The following GPR158 variants were observed in gnomAD, a reference collection of about 807,000 sequenced individuals.
The protein encoded by GPR158 is metabotropic glycine receptor.
In GPR158, 30 loss-of-function variants were observed where a neutral mutation model predicts 78.2. That is an observed-to-expected ratio of 0.38 (90% CI 0.29 to 0.52). The LOEUF (loss-of-function observed/expected upper bound fraction) is 0.52. GPR158 is among the 20% of genes least tolerant of loss of function. The pLI is 0.83. For synonymous variants in GPR158, 581 were observed against 591.1 expected (o/e 0.98, Z 0.25); for missense variants, 1,463 against 1,523.5 (o/e 0.96, Z 0.66).
chr10:25,184,326 G>T (rs1372904837), intron 1 of GPR158, among the ~76,000 whole-genome samples: 1 of 152,142 alleles, frequency 6.6e-6, no homozygotes, highest in African/African-American at 2.4e-5. Context: ...AAGTAGCTGG[G>T]AGTACAGGCA....
At chr10:25,581,089 TA>T (rs1453140196) in intron 7 of GPR158, among the ~76,000 whole-genome samples, 1 of 150,444 alleles carries the variant, frequency 6.6e-6, no homozygotes, top group African/African-American at 2.5e-5. Flanking sequence ...CGCGCCCGGC[TA>T]ATTTTTTTTT....
chr10:25,466,256 C>T (rs1835421432), intron 4 of GPR158: 1 of 160,850 alleles, frequency 6.2e-6, no homozygotes, highest in African/African-American at 2.4e-5. Flanking sequence ...AGCTGTAACC[C>T]TCGCCGCTGT....
At chr10:25,375,521 T>C (rs1256663453) in intron 2 of GPR158, among the ~76,000 whole-genome samples, 2 of 151,610 alleles carry the variant, frequency 1.3e-5, no homozygotes, top group African/African-American at 4.8e-5. Flanking sequence ...CCATGATCCA[T>C]TTTGAGTTAG....
intron 2 of GPR158, among the ~76,000 whole-genome samples, chr10:25,376,747 G>A (rs1834086703): frequency 1.3e-5 from 2 of 151,478 alleles, no homozygotes; most frequent in Non-Finnish European, 1.5e-5. Flanking sequence ...TACTGTTGAT[G>A]GATATTTTTA....
At chr10:25,550,620 C>T (rs1028172489) in intron 5 of GPR158, among the ~76,000 whole-genome samples, 11 of 152,030 alleles carry the variant, frequency 7.2e-5, no homozygotes, top group African/African-American at 2.4e-4. Context: ...TAAAATTATA[C>T]TTTAAGTTTT....
chr10:25,308,354 A>G (rs547371088), intron 2 of GPR158, among the ~76,000 whole-genome samples: 1 of 151,762 alleles, frequency 6.6e-6, no homozygotes, highest in Non-Finnish European at 1.5e-5. Context: ...CCCTGTGTCC[A>G]TGTGTTCTCA....
chr10:25,592,491 A>T (rs1234302348), intron 8 of GPR158, among the ~76,000 whole-genome samples: 1 of 151,924 alleles, frequency 6.6e-6, no homozygotes, highest in Non-Finnish European at 1.5e-5. Flanking sequence ...AAGATGAAAC[A>T]CTCTTGAAAA....
chr10:25,420,757 C>A (rs1172482026), intron 4 of GPR158, among the ~76,000 whole-genome samples: 1 of 152,070 alleles, frequency 6.6e-6, no homozygotes, highest in African/African-American at 2.4e-5. Context: ...TCAGCCTTGC[C>A]AAAGATCATT....
intron 5 of GPR158, among the ~76,000 whole-genome samples, chr10:25,517,073 A>T (rs949594279): frequency 6.7e-6 from 1 of 149,634 alleles, no homozygotes; most frequent in Non-Finnish European, 1.5e-5. Flanking sequence ...GTTCTCCTTG[A>T]AGAGGTCCTT....
intron 1 of GPR158, among the ~76,000 whole-genome samples, chr10:25,198,416 CT>C (rs889092360): frequency 6.6e-5 from 10 of 152,084 alleles, no homozygotes; most frequent in Non-Finnish European, 1.0e-4. Flanking sequence ...TTCAGACTTG[CT>C]GTAAAATTCT....
chr10:25,425,394 C>G (rs1406485242), intron 4 of GPR158, among the ~76,000 whole-genome samples: 2 of 152,024 alleles, frequency 1.3e-5, no homozygotes, highest in Admixed American at 6.6e-5. Flanking sequence ...TGGTATCACA[C>G]TGCAGTTTTA....
intron 3 of GPR158, among the ~76,000 whole-genome samples, chr10:25,406,734 G>T (rs868679373): frequency 6.6e-6 from 1 of 151,970 alleles, no homozygotes; most frequent in African/African-American, 2.4e-5. Context: ...TTTCTTTACA[G>T]CTGGTTTTCA....
chr10:25,322,062 T>C (rs1352706584), intron 2 of GPR158, among the ~76,000 whole-genome samples: 5 of 152,078 alleles, frequency 3.3e-5, no homozygotes, highest in African/African-American at 1.2e-4. Context: ...CACGTTGTAG[T>C]TATATATTAC....
intron 5 of GPR158, among the ~76,000 whole-genome samples, chr10:25,546,973 G>C (rs1370755227): frequency 1.3e-5 from 2 of 152,140 alleles, no homozygotes; most frequent in African/African-American, 4.8e-5. Context: ...CAAGTGTGAA[G>C]ACTCTTGCTA....
At chr10:25,218,071 C>T (rs902947055) in intron 1 of GPR158, among the ~76,000 whole-genome samples, 11 of 152,054 alleles carry the variant, frequency 7.2e-5, no homozygotes, top group Non-Finnish European at 1.3e-4. Context: ...TGGATCTTTG[C>T]GTCCCTTTCA....
chr10:25,434,440 GA>G (rs1210282624), intron 4 of GPR158, among the ~76,000 whole-genome samples: 2 of 152,028 alleles, frequency 1.3e-5, no homozygotes, highest in Non-Finnish European at 2.9e-5. Context: ...CTTGCTATTT[GA>G]AAAATATTAT....
chr10:25,485,000 C>T lies in GPR158; in HGVS notation c.1404+18281C>T, dbSNP rs16925944. Among the ~76,000 whole-genome samples the T allele has an allele frequency of 0.051, 7,675 of 151,730 alleles. 873 individuals carry two copies. The East Asian group carries it at 0.53, about 11-fold the overall frequency. ...ATTGTCAGACATCTCTATTAGCAGA[C>T]GACTAATACTGTGATGTCTACGTTT... is the stretch of plus-strand genomic sequence containing the variant. On this transcript the variant is annotated intron_variant, in intron 5 of 10. Coordinates refer to ENST00000376351, the MANE Select transcript of GPR158 (RefSeq NM_020752.3).
At chr10:25,410,351 C>G (rs1461568262) in intron 3 of GPR158, among the ~76,000 whole-genome samples, 17 of 152,184 alleles carry the variant, frequency 1.1e-4, no homozygotes, top group Non-Finnish European at 1.5e-5. Flanking sequence ...GGTGCGGTGG[C>G]TCACACCTGT....
At chr10:25,359,417 A>T (rs1279661790) in intron 2 of GPR158, among the ~76,000 whole-genome samples, 2 of 151,694 alleles carry the variant, frequency 1.3e-5, no homozygotes, top group Admixed American at 6.6e-5. Context: ...TAGCCCCCCA[A>T]CCCCTGACAG....
Sources: gnomAD v4.1 joint callset for allele counts (sites outside exome capture counted in the v4.1 genomes callset) on GRCh38, gnomAD v4.1.1 for gene constraint, MANE v1.5 for transcripts, NCBI Gene and HGNC (gene_info 2026-07-23, HGNC 2026-07-21) for gene names.